STAT4: variants seen among roughly 807,000 people sequenced by gnomAD.
STAT4 encodes signal transducer and activator of transcription 4.
Under a neutral mutation model 110.5 loss-of-function variants are expected in STAT4, and 42 were observed. The observed-to-expected ratio is 0.38, with a 90% confidence interval of 0.30 to 0.49. The LOEUF is 0.49. STAT4 is among the 20% of genes least tolerant of loss of function. The pLI, the probability that STAT4 is intolerant of heterozygous loss-of-function variation, is 0.95. For synonymous variants in STAT4, 284 were observed against 302.2 expected (o/e 0.94, Z 0.63); for missense variants, 632 against 887.9 (o/e 0.71, Z 3.66).
Position 191,082,827 on chromosome 2 carries a change from A to C in STAT4, c.274-6502T>G, listed in dbSNP as rs574153328. ...AAATAATCTTCTTCATACAGGCGAC[A>C]TGGAGCCTGAAACTTCACAATTAGG... On this transcript the variant is annotated intron_variant, in intron 3 of 23. Coordinates refer to ENST00000392320, the MANE Select transcript of STAT4 (RefSeq NM_003151.4). The surrounding 1 kb of genome is among the most constrained non-coding windows in gnomAD (Gnocchi z 4.7). 6.6e-6 allele frequency among the ~76,000 whole-genome samples: 1 copy of C among 152,322 alleles called. No individual in the cohort carries two copies. Among genetic ancestry groups the C allele is most frequent in the Admixed American group, 6.5e-5 (1 of 15,300 alleles).
At chr2:191,095,662 G>A (rs56755591) in intron 3 of STAT4, among the ~76,000 whole-genome samples, 2 of 152,096 alleles carry the variant, frequency 1.3e-5, no homozygotes, top group African/African-American at 4.8e-5. Context: ...GATAAAGCAG[G>A]AAAGATCTAA....
chr2:191,095,390 G>T (rs548356540), intron 3 of STAT4, among the ~76,000 whole-genome samples: 1 of 152,236 alleles, frequency 6.6e-6, no homozygotes, highest in East Asian at 1.9e-4. Flanking sequence ...AAATGTAAAA[G>T]AACAGAAATC....
chr2:191,114,430 T>C (rs1439890459), intron 3 of STAT4, among the ~76,000 whole-genome samples: 1 of 152,218 alleles, frequency 6.6e-6, no homozygotes, highest in Admixed American at 6.5e-5. Flanking sequence ...TATAGAATAG[T>C]GGTGAAAGCA....
At position 191,107,803 on chromosome 2, in the gene STAT4, G is replaced by A. The variant is rs145612492; in HGVS notation, c.274-31478C>T. ...CGTATGGTCACAGGAAGAGAATCTC[G>A]ATGATAGTTTTAGTTTTTCAGCAAG... On this transcript the variant is annotated intron_variant, in intron 3 of 23. Transcript: ENST00000392320. The surrounding 1 kb of genome is among the most constrained non-coding windows in gnomAD (Gnocchi z 4.2). Among the ~76,000 whole-genome samples the A allele has an allele frequency of 1.3e-5, 2 of 152,292 alleles. No homozygotes were observed. The highest frequency in any genetic ancestry group is 2.4e-5 in the African/African-American group (1 of 41,558).
chr2:191,136,024 C>CAAAAAAA lies in STAT4; in HGVS notation c.273+10588_273+10589insTTTTTTT, dbSNP rs1699173501. Reference sequence around the variant, plus strand: ...ATCTCAGAAAAAAAAAAAAAAAAACCAAAAAACAAAAAACCAATGTGATCA... The same window carrying CAAAAAAA: ...ATCTCAGAAAAAAAAAAAAAAAAACCAAAAAAAAAAAAACAAAAAACCAATGTGATCA... On this transcript the variant is annotated intron_variant, in intron 3 of 23. Transcript: ENST00000392320. Among the ~76,000 whole-genome samples the CAAAAAAA allele has an allele frequency of 2.9e-3, 125 of 43,714 alleles. 4 individuals are homozygous for CAAAAAAA. Among genetic ancestry groups the CAAAAAAA allele is most frequent in the African/African-American group, 6.0e-3 (93 of 15,516 alleles). The allele number at this position is 43,714 out of a possible 152,430, so 28.7% of individuals were successfully genotyped here.
intron 3 of STAT4, among the ~76,000 whole-genome samples, chr2:191,079,326 T>C (rs933735409): frequency 2.7e-5 from 4 of 150,784 alleles, no homozygotes; most frequent in African/African-American, 9.8e-5. Context: ...ATCTTTATAC[T>C]TGTGTTCTAA....
intron 3 of STAT4, among the ~76,000 whole-genome samples, chr2:191,111,320 T>G (rs1484398766): frequency 1.3e-5 from 2 of 152,192 alleles, no homozygotes; most frequent in East Asian, 3.8e-4. Flanking sequence ...GCATAACAAG[T>G]TTTAAAGTAA....
In STAT4 at chr2:191,082,570, A is replaced by G. The variant is rs1372639652; in HGVS notation, c.274-6245T>C. 6.6e-6 allele frequency among the ~76,000 whole-genome samples: 1 copy of G among 152,234 alleles called. No homozygotes were observed. The highest frequency in any genetic ancestry group is 2.4e-5 in the African/African-American group (1 of 41,456). ...TGCATTCTATTTCAGAGATTTAAAG[A>G]TGTTAAAATGTGGAGAACAGTGTCA... On this transcript the variant is annotated intron_variant, in intron 3 of 23. Coordinates refer to ENST00000392320, the MANE Select transcript of STAT4 (RefSeq NM_003151.4). The surrounding 1 kb of genome is among the most constrained non-coding windows in gnomAD (Gnocchi z 4.7).
In STAT4 at chr2:191,035,530, G is replaced by C. The variant is rs1696020397; in HGVS notation, c.1570+634C>G. Among the ~76,000 whole-genome samples, 1 of 152,166 alleles carries C rather than the reference G, an allele frequency of 6.6e-6. No individual in the cohort carries two copies. Among genetic ancestry groups the C allele is most frequent in the Non-Finnish European group, 1.5e-5 (1 of 68,028 alleles). ...TGTTAAATATGTTAAACCCTGACTTGTCAAAATACAGATCTCTTAGAGACT... is the reference window on the plus strand; with the variant it reads ...TGTTAAATATGTTAAACCCTGACTTCTCAAAATACAGATCTCTTAGAGACT... On this transcript the variant is annotated intron_variant, in intron 17 of 23. Transcript: ENST00000392320. This position sits in a 1 kb window ranked among gnomAD's most constrained non-coding sequence, Gnocchi z 4.7.
At chr2:191,049,945 T>C (rs1200598348) in intron 14 of STAT4, among the ~76,000 whole-genome samples, 1 of 152,208 alleles carries the variant, frequency 6.6e-6, no homozygotes, top group Non-Finnish European at 1.5e-5. Flanking sequence ...TGCAAATGCT[T>C]GGGCTAGCTG....
At chr2:191,100,431 A>C (rs1303127054) in intron 3 of STAT4, among the ~76,000 whole-genome samples, 1 of 152,192 alleles carries the variant, frequency 6.6e-6, no homozygotes, top group Non-Finnish European at 1.5e-5. Flanking sequence ...TTGCAGGTAC[A>C]CAGAGTCATA....
chr2:191,139,007 G>A (rs1699251209), intron 3 of STAT4, among the ~76,000 whole-genome samples: 1 of 152,002 alleles, frequency 6.6e-6, no homozygotes, highest in Non-Finnish European at 1.5e-5. Flanking sequence ...AAAACCATAT[G>A]ATCATCTCAA....
chr2:191,108,384 T>G (rs1406924865), intron 3 of STAT4, among the ~76,000 whole-genome samples: 1 of 152,040 alleles, frequency 6.6e-6, no homozygotes, highest in Non-Finnish European at 1.5e-5. Context: ...ATTATAACTA[T>G]AAACTCGATA....
In STAT4 at chr2:191,033,636, GA is replaced by G; in HGVS notation, c.1716-11del. ...AAAGCCCATGACATACCTAAAAATA[GA>G]ACATGCATTATTTCATCTGATCATT... On this transcript the variant is annotated splice_polypyrimidine_tract_variant and intron_variant, in intron 19 of 23. Transcript: ENST00000392320. This position sits in a 1 kb window ranked among gnomAD's most constrained non-coding sequence, Gnocchi z 6.9. 6.2e-7 allele frequency: 1 copy of G among 1,609,502 alleles called. No homozygotes were observed. The highest frequency in any genetic ancestry group is 1.3e-5 in the African/African-American group (1 of 74,640).
intron 3 of STAT4, among the ~76,000 whole-genome samples, chr2:191,078,386 C>G (rs1300061130): frequency 6.6e-6 from 1 of 152,092 alleles, no homozygotes; most frequent in Non-Finnish European, 1.5e-5. Flanking sequence ...TTCCCCCATA[C>G]TTTGTATGGT....
chr2:191,029,917 C>A lies in STAT4; in HGVS notation c.2221-51G>T. On this transcript the variant is annotated intron_variant, in intron 23 of 23. Transcript: ENST00000392320. The surrounding 1 kb of genome is among the most constrained non-coding windows in gnomAD (Gnocchi z 4.5). ...TTGAGGAAACTACTGGTTTTCAAATCAATCACTATTTCTTGGGCAAATAAA... is the reference window on the plus strand; with the variant it reads ...TTGAGGAAACTACTGGTTTTCAAATAAATCACTATTTCTTGGGCAAATAAA... 1 of 1,407,394 alleles carries A rather than the reference C, an allele frequency of 7.1e-7. No homozygotes were observed. The highest frequency in any genetic ancestry group is 1.2e-5 in the South Asian group (1 of 80,944). The allele number at this position is 1,407,394 out of a possible 1,614,324, so 87.2% of individuals were successfully genotyped here. A position where few individuals can be genotyped will look rare whatever the true frequency, so the allele number is the denominator to read the frequency against.
chr2:191,074,278 G>A (rs548730593), intron 4 of STAT4, among the ~76,000 whole-genome samples: 138 of 152,294 alleles, frequency 9.1e-4, no homozygotes, highest in South Asian at 4.6e-3. Context: ...GGTTAGAAAG[G>A]TTGATAAACT....
rs1247499984 is a variant in STAT4, at chr2:191,142,238, C to CAT, written c.273+4374_273+4375insAT. Among the ~76,000 whole-genome samples, 1 of 152,030 alleles carries CAT rather than the reference C, an allele frequency of 6.6e-6. No homozygotes were observed. Among genetic ancestry groups the CAT allele is most frequent in the African/African-American group, 2.4e-5 (1 of 41,370 alleles). The stretch of plus-strand genomic sequence containing the variant: ...ATAGATATATATATATACACACACA[C>CAT]ACACATGCATACACACATATAATAG... On this transcript the variant is annotated intron_variant, in intron 3 of 23. Transcript: ENST00000392320. The surrounding 1 kb of genome is among the most constrained non-coding windows in gnomAD (Gnocchi z 4.1).
intron 3 of STAT4, among the ~76,000 whole-genome samples, chr2:191,134,514 A>G (rs911843532): frequency 6.6e-6 from 1 of 152,212 alleles, no homozygotes; most frequent in Non-Finnish European, 1.5e-5. Flanking sequence ...CCTAGTCCCC[A>G]GAAAAACTTC....
Sources: gnomAD v4.1 joint callset for allele counts (sites outside exome capture counted in the v4.1 genomes callset) on GRCh38, gnomAD v4.1.1 for gene constraint, Gnocchi (gnomAD v3.1) non-coding constraint, MANE v1.5 for transcripts, NCBI Gene and HGNC (gene_info 2026-07-23, HGNC 2026-07-21) for gene names.